C1QTNF1: variants seen among roughly 807,000 people sequenced by gnomAD.
C1QTNF1 encodes complement C1q tumor necrosis factor-related protein 1.
C1QTNF1 carries 22 observed loss-of-function variants against 27.8 expected under a neutral mutation model. The observed-to-expected ratio is 0.79, with a 90% CI of 0.56 to 1.13. C1QTNF1 has a LOEUF of 1.13. Ranked by LOEUF, C1QTNF1 falls within the 50% of genes most tolerant of loss-of-function variation. The probability of loss-of-function intolerance (pLI) is 0.00; values close to 1 mark genes in which losing one functional copy is unlikely to be tolerated. For synonymous variants in C1QTNF1, 166 were observed against 154.3 expected (o/e 1.08, Z -0.56); for missense variants, 373 against 380.2 (o/e 0.98, Z 0.16).
chr17:79,031,241 G>A (rs945366678), intron 1 of C1QTNF1, among the ~76,000 whole-genome samples: 9 of 150,950 alleles, frequency 6.0e-5, no homozygotes, highest in South Asian at 2.1e-4. Flanking sequence ...TCCTGACCTC[G>A]TGATCTGCCT....
intron 1 of C1QTNF1, among the ~76,000 whole-genome samples, chr17:79,040,352 C>T (rs1421553231): frequency 6.6e-6 from 1 of 152,138 alleles, no homozygotes; most frequent in Non-Finnish European, 1.5e-5. Context: ...GTAGTCCCAG[C>T]TGCTTGAGAG....
chr17:79,044,588 G>A (rs961315124), intron 2 of C1QTNF1, among the ~76,000 whole-genome samples: 3 of 152,222 alleles, frequency 2.0e-5, no homozygotes, highest in Admixed American at 1.3e-4. Context: ...CAGGACAGGA[G>A]AGGACAGCGG....
chr17:79,034,264 A>C (rs1256337149), intron 1 of C1QTNF1: 1 of 152,444 alleles, frequency 6.6e-6, no homozygotes, highest in Non-Finnish European at 1.5e-5. Context: ...CCACCTGCAG[A>C]GTGGGCTCAG....
In C1QTNF1 at chr17:79,047,856, A is replaced by T; in HGVS notation, c.614A>T (p.Lys205Met). ...FSLNVHTWNQKETYLHIMKNE... is the reference protein window; with the variant it reads ...FSLNVHTWNQMETYLHIMKNE... ...CTCAACGTGCACACCTGGAACCAGA[A>T]GGAGACCTACCTGCACATCATGAAG... The change falls in exon 4 of 4, where the codon AAG (lysine) becomes ATG (methionine). Residue 205 changes from lysine (K) to methionine (M), a missense_variant. Physicochemically the swap from Lys to Met is moderately conservative, Grantham distance 95 (BLOSUM62 -1). Transcript: ENST00000579760. 6.2e-7 allele frequency: 1 copy of T among 1,614,204 alleles called. No individual in the cohort carries two copies. The highest frequency in any genetic ancestry group is 2.2e-5 in the East Asian group (1 of 44,886).
chr17:79,038,943 C>T (rs1043237007), intron 1 of C1QTNF1, among the ~76,000 whole-genome samples: 25 of 152,340 alleles, frequency 1.6e-4, no homozygotes, highest in African/African-American at 2.9e-4. Flanking sequence ...GCTCTGACTC[C>T]GAACAGCAGG....
At chr17:79,033,179 T>G (rs960445374) in intron 1 of C1QTNF1, among the ~76,000 whole-genome samples, 2 of 151,910 alleles carry the variant, frequency 1.3e-5, no homozygotes, top group Non-Finnish European at 2.9e-5. Context: ...TCAGCTGTGG[T>G]GCAAGGTGCT....
At position 79,044,105 on chromosome 17, in the gene C1QTNF1, C is replaced by T. The variant is rs145629828; in HGVS notation, c.137C>T (p.Pro46Leu). The change falls in exon 2 of 4, where the codon CCT (proline) becomes CTT (leucine). Residue 46 changes from proline to leucine, a missense_variant. Pro to Leu is a moderately conservative substitution (Grantham distance 98). Transcript: ENST00000579760. ...GAGGGGACTGAGGAGCTGCCGTCGC[C>T]TCCGGACCATGCCGAGAGGTGAGGG... ...EWEGTEELPS[P>L]PDHAERAEEQ... 2,905 of 1,610,974 alleles carry T rather than the reference C, an allele frequency of 1.8e-3. 3 individuals carry two copies. The highest frequency in any genetic ancestry group is 2.3e-3 in the Non-Finnish European group (2,664 of 1,178,160).
At chr17:79,042,272 G>A (rs559540233) in intron 1 of C1QTNF1, among the ~76,000 whole-genome samples, 2 of 152,392 alleles carry the variant, frequency 1.3e-5, no homozygotes, top group Non-Finnish European at 2.9e-5. Context: ...CCTGGGCGAG[G>A]GGAGCAAGCC....
intron 1 of C1QTNF1, among the ~76,000 whole-genome samples, chr17:79,028,905 T>TG (rs887782657): frequency 1.3e-5 from 2 of 151,918 alleles, no homozygotes; most frequent in Admixed American, 6.6e-5. Context: ...TGTGTGTGTG[T>TG]GTGTGTGCAT....
intron 1 of C1QTNF1, chr17:79,043,404 AGTGT>A (rs1032021415): frequency 6.7e-6 from 3 of 447,598 alleles, no homozygotes; most frequent in African/African-American, 2.1e-5. Flanking sequence ...TGTGCATGTG[AGTGT>A]GAGTGTATGT....
Position 79,046,812 on chromosome 17 carries a change from G to T in C1QTNF1, c.295+118G>T. The T allele has an allele frequency of 2.2e-6, 3 of 1,338,016 alleles. No homozygotes were observed. The highest frequency in any genetic ancestry group is 2.9e-5 in the African/African-American group (2 of 68,582). 82.9% of individuals were successfully genotyped at this position (1,338,016 alleles called of 1,614,324 possible). On this transcript the variant is annotated intron_variant, in intron 3 of 3. Transcript: ENST00000579760. The surrounding 1 kb of genome is among the most constrained non-coding windows in gnomAD (Gnocchi z 4.8). ...GAGCAGAATGGCTCCCTCGGGACAG[G>T]GAGCAGAGGCAGGCAGGCTGTCATC...
At chr17:79,045,595 AG>A (rs1214013947) in intron 2 of C1QTNF1, among the ~76,000 whole-genome samples, 1 of 152,030 alleles carries the variant, frequency 6.6e-6, no homozygotes, top group Non-Finnish European at 1.5e-5. Context: ...AAGTTGTGCC[AG>A]GGGGTTGGCG....
intron 1 of C1QTNF1, among the ~76,000 whole-genome samples, chr17:79,033,168 T>C (rs2072180964): frequency 6.6e-6 from 1 of 152,038 alleles, no homozygotes; most frequent in South Asian, 2.1e-4. Context: ...CAGCAGAACC[T>C]TCAGCTGTGG....
At chr17:79,034,417 G>A (rs1336640412) in intron 1 of C1QTNF1, 1 of 152,320 alleles carries the variant, frequency 6.6e-6, no homozygotes, top group Non-Finnish European at 1.5e-5. Flanking sequence ...CGGAATCGGA[G>A]CTCTGGAGGC....
intron 1 of C1QTNF1, chr17:79,034,217 C>CCGCTG (rs1466463182): frequency 6.6e-6 from 1 of 152,514 alleles, no homozygotes; most frequent in Admixed American, 6.5e-5. Context: ...GAGGGCGTCC[C>CCGCTG]CGCTGCTGGT....
chr17:79,028,958 G>A (rs562934188), intron 1 of C1QTNF1, among the ~76,000 whole-genome samples: 1 of 152,078 alleles, frequency 6.6e-6, no homozygotes, highest in Non-Finnish European at 1.5e-5. Context: ...TAAATCCAAA[G>A]GAATTAAACT....
intron 1 of C1QTNF1, among the ~76,000 whole-genome samples, chr17:79,043,136 T>G (rs886178022): frequency 1.3e-5 from 2 of 150,020 alleles, no homozygotes; most frequent in Non-Finnish European, 2.9e-5. Context: ...TGTGTGTGCA[T>G]GTTGGATTGC....
intron 1 of C1QTNF1, chr17:79,043,657 T>C (rs1363734994): frequency 3.8e-6 from 2 of 529,218 alleles, no homozygotes; most frequent in Admixed American, 2.2e-5. Flanking sequence ...TGTGACTGTG[T>C]GTGCATGTGT....
chr17:79,036,167 C>A (rs1354810962), intron 1 of C1QTNF1, among the ~76,000 whole-genome samples: 1 of 151,904 alleles, frequency 6.6e-6, no homozygotes, highest in African/African-American at 2.4e-5. Context: ...CCACTAGCTA[C>A]ATGTGGCTTT....
Sources: gnomAD v4.1 joint callset for allele counts (sites outside exome capture counted in the v4.1 genomes callset) on GRCh38, gnomAD v4.1.1 for gene constraint, Gnocchi (gnomAD v3.1) non-coding constraint, MANE v1.5 for transcripts, NCBI Gene and HGNC (gene_info 2026-07-23, HGNC 2026-07-21) for gene names.